Variants in MTREX observed in about 807,000 individuals in gnomAD.
The protein encoded by MTREX is exosome RNA helicase MTR4.
A neutral mutation model predicts 135.4 loss-of-function variants in MTREX; 76 were observed. The ratio of observed to expected loss-of-function variants is 0.56; its 90% CI spans 0.47 to 0.68. MTREX has a LOEUF of 0.68. Among genes scored for constraint, MTREX ranks in the 30% least tolerant of loss-of-function variants. MTREX has a pLI of 0.00. For synonymous variants in MTREX, 404 were observed against 401.6 expected (o/e 1.01, Z -0.07); for missense variants, 920 against 1,262.1 (o/e 0.73, Z 4.11).
chr5:55,384,379 C>T (rs1561204368), intron 18 of MTREX, among the ~76,000 whole-genome samples: 1 of 152,124 alleles, frequency 6.6e-6, no homozygotes, highest in African/African-American at 2.4e-5. Flanking sequence ...TCTGTTTCTT[C>T]ATCGATATGT....
At chr5:55,379,492 T>C (rs1750358877) in intron 18 of MTREX, among the ~76,000 whole-genome samples, 1 of 151,604 alleles carries the variant, frequency 6.6e-6, no homozygotes, top group African/African-American at 2.4e-5. Context: ...GCCAGTCCTT[T>C]ATATTTTCTG....
intron 15 of MTREX, among the ~76,000 whole-genome samples, chr5:55,365,015 G>T (rs964728221): frequency 6.6e-6 from 1 of 152,190 alleles, no homozygotes; most frequent in African/African-American, 2.4e-5. Context: ...GTGTAAGTTG[G>T]AACTATGCTG....
At chr5:55,349,690 T>C (rs184788867) in intron 12 of MTREX, 38 bp downstream of exon 12, 4 of 1,080,658 alleles carry the variant, frequency 3.7e-6, no homozygotes, top group Non-Finnish European at 5.7e-6. Flanking sequence ...GTGTAGATAA[T>C]AATAGATTGC....
rs566315088 is a variant in MTREX at position 55,318,983 on chromosome 5, C to A, written c.135-3344C>A. On this transcript the variant is annotated intron_variant, in intron 1 of 26. Coordinates refer to ENST00000230640, the MANE Select transcript of MTREX (RefSeq NM_015360.5). ...ACCAAAATTCTTGTACATCTTCACT[C>A]AAATATTCTAAATTTTAACACTTTA... Among the ~76,000 whole-genome samples the A allele has an allele frequency of 2.7e-5, 4 of 149,646 alleles. No homozygotes were observed. The South Asian group carries it at 8.5e-4, about 32-fold the overall frequency.
chr5:55,362,342 GTTTTTTTGT>G (rs1190142974), intron 15 of MTREX, among the ~76,000 whole-genome samples: 7 of 151,662 alleles, frequency 4.6e-5, no homozygotes, highest in Non-Finnish European at 8.8e-5. Flanking sequence ...TAAGGCAGCA[GTTTTTTTGT>G]TTTTTTTGTT....
chr5:55,396,848 T>C (rs1579892280), intron 19 of MTREX, among the ~76,000 whole-genome samples: 1 of 152,230 alleles, frequency 6.6e-6, no homozygotes, highest in East Asian at 1.9e-4. Flanking sequence ...ATAGAGGCTC[T>C]CTGGATTCAA....
chr5:55,352,052 G>T (rs543700836), intron 13 of MTREX, among the ~76,000 whole-genome samples: 4 of 150,720 alleles, frequency 2.7e-5, no homozygotes, highest in African/African-American at 9.8e-5. Flanking sequence ...TTTTGTTTTT[G>T]TTTTTGTTTT....
chr5:55,328,960 A>G (rs1749424842), intron 5 of MTREX, 149 bp downstream of exon 5: 1 of 493,802 alleles, frequency 2.0e-6, no homozygotes, highest in Non-Finnish European at 3.6e-6. Context: ...CTCTAATACA[A>G]TGTTTACTTG....
intron 16 of MTREX, among the ~76,000 whole-genome samples, chr5:55,372,016 T>C (rs1488381355): frequency 1.3e-5 from 2 of 152,152 alleles, no homozygotes; most frequent in African/African-American, 4.8e-5. Context: ...CCCCCATAGA[T>C]ATTTCCTTAT....
chr5:55,325,669 G>A (rs1218139500), intron 3 of MTREX, among the ~76,000 whole-genome samples: 1 of 151,898 alleles, frequency 6.6e-6, no homozygotes, highest in Non-Finnish European at 1.5e-5. Context: ...TTTGTTACAT[G>A]GGTATATCGT....
At chr5:55,339,023 G>A (rs918735293) in intron 5 of MTREX, among the ~76,000 whole-genome samples, 9 of 151,680 alleles carry the variant, frequency 5.9e-5, no homozygotes, top group African/African-American at 2.2e-4. Flanking sequence ...AACTCTTGGC[G>A]TCATGTGATC....
intron 18 of MTREX, among the ~76,000 whole-genome samples, chr5:55,384,678 G>T (rs1373077670): frequency 6.6e-6 from 1 of 152,070 alleles, no homozygotes; most frequent in Non-Finnish European, 1.5e-5. Context: ...TATTTGTTTA[G>T]TGTCGGGCTG....
rs749149009 is a variant in MTREX at position 55,349,543 on chromosome 5, A to G, written c.1241-30A>G. 1.7e-5 allele frequency: 21 copies of G among 1,201,160 alleles called. No homozygotes were observed. The East Asian group carries it at 4.0e-4, about 23-fold the overall frequency. The allele number at this position is 1,201,160 out of a possible 1,614,324, so 74.4% of individuals were successfully genotyped here. On this transcript the variant is annotated intron_variant, in intron 11 of 26. Coordinates refer to ENST00000230640, the MANE Select transcript of MTREX (RefSeq NM_015360.5). Reference sequence around the variant, plus strand: ...AGTTTGGTATCACTAACTCATTTTGATATTTCTGTACCCTTGAATTTTCTC... The same window carrying G: ...AGTTTGGTATCACTAACTCATTTTGGTATTTCTGTACCCTTGAATTTTCTC...
At chr5:55,409,908 A>G (rs1398386595) in intron 22 of MTREX, among the ~76,000 whole-genome samples, 2 of 152,136 alleles carry the variant, frequency 1.3e-5, no homozygotes, top group Admixed American at 6.5e-5. Context: ...CCTTTGGAAA[A>G]TATGAATTAA....
chr5:55,342,552 A>G (rs1749669329), intron 7 of MTREX, among the ~76,000 whole-genome samples: 1 of 152,246 alleles, frequency 6.6e-6, no homozygotes, highest in African/African-American at 2.4e-5. Context: ...CGTAATGAAA[A>G]AGTAAGTATG....
intron 15 of MTREX, among the ~76,000 whole-genome samples, chr5:55,361,152 T>A (rs553176582): frequency 1.3e-5 from 2 of 152,240 alleles, no homozygotes; most frequent in Non-Finnish European, 2.9e-5. Flanking sequence ...AAAATAGTCA[T>A]GTCAGGTATA....
At chr5:55,383,204 TGAA>T (rs1419923616) in intron 18 of MTREX, among the ~76,000 whole-genome samples, 1 of 152,198 alleles carries the variant, frequency 6.6e-6, no homozygotes, top group African/African-American at 2.4e-5. Context: ...TTTAAATCAT[TGAA>T]GAGAAAAAGA....
intron 19 of MTREX, among the ~76,000 whole-genome samples, chr5:55,396,944 T>C (rs932803180): frequency 6.6e-6 from 1 of 152,234 alleles, no homozygotes; most frequent in Non-Finnish European, 1.5e-5. Context: ...CAGATAGGTG[T>C]TCTTCAAGAT....
intron 25 of MTREX, among the ~76,000 whole-genome samples, chr5:55,421,047 CAAAA>C (rs201837651): frequency 1.3e-5 from 2 of 150,270 alleles, no homozygotes; most frequent in Non-Finnish European, 3.0e-5. Flanking sequence ...CTGGCAGGAC[CAAAA>C]AAAAAATTTT....
Sources: gnomAD v4.1 joint callset for allele counts (sites outside exome capture counted in the v4.1 genomes callset) on GRCh38, gnomAD v4.1.1 for gene constraint, MANE v1.5 for transcripts, NCBI Gene and HGNC (gene_info 2026-07-23, HGNC 2026-07-21) for gene names.